The following CPQ variants were observed in gnomAD, a reference collection of about 807,000 sequenced individuals.
CPQ encodes Ser-Met dipeptidase.
In CPQ, 37 loss-of-function variants were observed where a neutral mutation model predicts 45.7. The observed-to-expected ratio is 0.81, with a 90% CI of 0.62 to 1.07. The LOEUF (loss-of-function observed/expected upper bound fraction) is 1.07, where lower values mean the gene tolerates loss of function less well. CPQ is among the 50% of genes least tolerant of loss of function. The pLI is 0.00. For synonymous variants in CPQ, 186 were observed against 205.8 expected (o/e 0.90, Z 0.82); for missense variants, 537 against 572.9 (o/e 0.94, Z 0.64).
At position 97,066,222 on chromosome 8, in the gene CPQ, A is replaced by C; in HGVS notation, c.1255+12A>C. ...AGCTGGAGTGCCTGGTAAGACCAAAAGATGAAGTTGTGTTCCTTATATATT... is the reference window on the plus strand; with the variant it reads ...AGCTGGAGTGCCTGGTAAGACCAAACGATGAAGTTGTGTTCCTTATATATT... On this transcript the variant is annotated intron_variant, in intron 7 of 7. Transcript: ENST00000220763. 2 of 1,605,782 alleles carry C rather than the reference A, an allele frequency of 1.2e-6. No homozygotes were observed. Among genetic ancestry groups the C allele is most frequent in the Non-Finnish European group, 1.7e-6 (2 of 1,177,596 alleles).
chr8:96,852,063 G>A (rs921912300), intron 3 of CPQ, among the ~76,000 whole-genome samples: 1 of 152,100 alleles, frequency 6.6e-6, no homozygotes, highest in African/African-American at 2.4e-5. Context: ...GCTTCAATCC[G>A]TTACCATCAC....
intron 6 of CPQ, among the ~76,000 whole-genome samples, chr8:97,064,898 G>A (rs948055197): frequency 2.6e-5 from 4 of 152,262 alleles, no homozygotes; most frequent in South Asian, 2.1e-4. Flanking sequence ...TTTGCCAGCT[G>A]TATGACATTG....
chr8:97,066,959 C>G (rs1038218730), intron 7 of CPQ, among the ~76,000 whole-genome samples: 1 of 118,838 alleles, frequency 8.4e-6, no homozygotes, highest in African/African-American at 3.1e-5. Context: ...CAGGGTCTCA[C>G]TCTGTCACCT....
chr8:96,733,498 G>A (rs1023766051), intron 1 of CPQ, among the ~76,000 whole-genome samples: 5 of 151,832 alleles, frequency 3.3e-5, no homozygotes, highest in Admixed American at 1.3e-4. Flanking sequence ...CCAATCTATC[G>A]TTACTTAGTG....
chr8:96,808,025 C>T (rs1232479607), intron 2 of CPQ, among the ~76,000 whole-genome samples: 3 of 152,146 alleles, frequency 2.0e-5, no homozygotes, highest in Admixed American at 1.3e-4. Context: ...GCTGGGATTC[C>T]GTGCTGTTGT....
At chr8:96,878,018 A>G (rs1215998003) in intron 3 of CPQ, among the ~76,000 whole-genome samples, 5 of 151,716 alleles carry the variant, frequency 3.3e-5, no homozygotes, top group Admixed American at 6.6e-5. Flanking sequence ...GCTGGAGTGC[A>G]GTGGCATGAT....
chr8:96,917,729 G>A (rs1490964930), intron 4 of CPQ, among the ~76,000 whole-genome samples: 1 of 152,068 alleles, frequency 6.6e-6, no homozygotes, highest in African/African-American at 2.4e-5. Context: ...ATTTCTCTGT[G>A]TAATCATTTG....
chr8:96,669,109 G>A (rs1808967127), intron 1 of CPQ, among the ~76,000 whole-genome samples: 1 of 152,204 alleles, frequency 6.6e-6, no homozygotes, highest in South Asian at 2.1e-4. Flanking sequence ...AGAAGACCAA[G>A]TAGAGGTACT....
chr8:97,091,185 T>C (rs1472142229), intron 7 of CPQ, among the ~76,000 whole-genome samples: 1 of 152,168 alleles, frequency 6.6e-6, no homozygotes, highest in Admixed American at 6.5e-5. Context: ...CTGTGTATCT[T>C]AATAAACTGT....
intron 4 of CPQ, among the ~76,000 whole-genome samples, chr8:96,904,454 AAG>A (rs1215698642): frequency 2.0e-5 from 3 of 152,250 alleles, no homozygotes; most frequent in African/African-American, 7.2e-5. Flanking sequence ...GACCCTTGTT[AAG>A]AGTCATGAGA....
At chr8:96,659,810 C>CA (rs2130711018) in intron 1 of CPQ, among the ~76,000 whole-genome samples, 1 of 152,274 alleles carries the variant, frequency 6.6e-6, no homozygotes, top group South Asian at 2.1e-4. Context: ...AGTAAGTCGC[C>CA]AAGGGCTGTT....
intron 1 of CPQ, among the ~76,000 whole-genome samples, chr8:96,670,471 C>G (rs1808987847): frequency 6.6e-6 from 1 of 151,740 alleles, no homozygotes; most frequent in Non-Finnish European, 1.5e-5. Context: ...TGGTGTCATG[C>G]AAAGATCAAT....
intron 5 of CPQ, among the ~76,000 whole-genome samples, chr8:97,027,028 TTTTTC>T (rs200926473): frequency 0.018 from 2,668 of 152,354 alleles, 37 homozygotes; most frequent in Non-Finnish European, 0.025. Context: ...AAAGTGTATT[TTTTTC>T]TTTTCTTGTG....
intron 2 of CPQ, among the ~76,000 whole-genome samples, chr8:96,808,995 T>C (rs1292614438): frequency 6.6e-6 from 1 of 152,200 alleles, no homozygotes; most frequent in Non-Finnish European, 1.5e-5. Flanking sequence ...TGCACATGAA[T>C]GTGCTTTGAA....
At position 96,902,754 on chromosome 8, in the gene CPQ, C is replaced by G. The variant is rs905048897; in HGVS notation, c.849+22749C>G. 2.6e-5 allele frequency among the ~76,000 whole-genome samples: 4 copies of G among 152,120 alleles called. No individual in the cohort carries two copies. In the East Asian group the frequency reaches 7.7e-4, roughly 29 times the overall value. ...TAAGCCATGGGGCACGCAATGTGGC[C>G]CCACATGTGTTGGAAGAAGCCAGAT... is the stretch of plus-strand genomic sequence containing the variant. On this transcript the variant is annotated intron_variant, in intron 4 of 7. Coordinates refer to ENST00000220763, the MANE Select transcript of CPQ (RefSeq NM_016134.4).
At chr8:97,043,390 G>A (rs1235058518) in intron 6 of CPQ, among the ~76,000 whole-genome samples, 2 of 151,912 alleles carry the variant, frequency 1.3e-5, no homozygotes, top group Non-Finnish European at 2.9e-5. Flanking sequence ...CTCTGCACGT[G>A]AGATGGGTTT....
At position 96,845,493 on chromosome 8, in the gene CPQ, C is replaced by T. The variant is rs1056623637; in HGVS notation, c.641+10313C>T. Among the ~76,000 whole-genome samples the T allele has an allele frequency of 2.0e-5, 3 of 152,274 alleles. No homozygotes were observed. In the South Asian group the frequency reaches 6.2e-4, roughly 32 times the overall value. On this transcript the variant is annotated intron_variant, in intron 3 of 7. Coordinates refer to ENST00000220763, the MANE Select transcript of CPQ (RefSeq NM_016134.4). ...ATAGCTATTTTTCTGAAGCCACATT[C>T]TAAAGCACCACAGATTTTTTTCTCA...
intron 4 of CPQ, among the ~76,000 whole-genome samples, chr8:96,947,748 C>T (rs988621503): frequency 6.6e-6 from 1 of 152,142 alleles, no homozygotes; most frequent in African/African-American, 2.4e-5. Context: ...TTGAAGCTAA[C>T]TGCAGAAGCA....
chr8:97,049,630 T>A (rs1810323382), intron 6 of CPQ, among the ~76,000 whole-genome samples: 2 of 152,206 alleles, frequency 1.3e-5, no homozygotes, highest in African/African-American at 4.8e-5. Flanking sequence ...ATTTCTTTGA[T>A]TTAAGGATCG....
Sources: allele counts gnomAD v4.1 joint callset (sites outside exome capture counted in the v4.1 genomes callset), GRCh38; gene constraint gnomAD v4.1.1; transcripts MANE v1.5; gene names NCBI Gene and HGNC (gene_info 2026-07-23, HGNC 2026-07-21).